COL6A3: variants seen among roughly 807,000 people sequenced by gnomAD.
The protein encoded by COL6A3 is collagen type VI alpha 3 chain, also known as collagen alpha-3(VI) chain.
Under a neutral mutation model 274.1 loss-of-function variants are expected in COL6A3, and 137 were observed. The ratio of observed to expected loss-of-function variants is 0.50; its 90% CI spans 0.44 to 0.58. The LOEUF (loss-of-function observed/expected upper bound fraction) is 0.58, where lower values mean the gene tolerates loss of function less well. COL6A3 is among the 20% of genes least tolerant of loss of function. The pLI is 0.00. For missense variants in COL6A3, 3,950 were observed against 4,124.9 expected (o/e 0.96, Z 1.16); for synonymous variants, 1,650 against 1,650.6 (o/e 1.00, Z 0.01).
intron 2 of COL6A3, among the ~76,000 whole-genome samples, chr2:237,395,694 G>T (rs2078421672): frequency 6.6e-6 from 1 of 152,188 alleles, no homozygotes; most frequent in African/African-American, 2.4e-5. Flanking sequence ...TGGGTAATTT[G>T]CGTGAAAAAT....
chr2:237,352,656 C>T, intron 25 of COL6A3, 72 bp from the exon 26 acceptor site: 1 of 1,409,168 alleles, frequency 7.1e-7, no homozygotes, highest in Non-Finnish European at 9.9e-7. Flanking sequence ...ATGGCATCTG[C>T]CCATCCCACA....
intron 40 of COL6A3, among the ~76,000 whole-genome samples, chr2:237,335,347 C>T (rs1700484273): frequency 6.6e-6 from 1 of 152,146 alleles, no homozygotes; most frequent in South Asian, 2.1e-4. Flanking sequence ...TCCTTTACAG[C>T]TTGTGACATT....
Position 237,371,665 on chromosome 2 carries a change from G to A in COL6A3, c.4285+67C>T. The A allele has an allele frequency of 6.6e-7, 1 of 1,523,692 alleles. No individual in the cohort carries two copies. 94.4% of individuals were successfully genotyped at this position (1,523,692 alleles called of 1,614,324 possible). A position where few individuals can be genotyped will look rare whatever the true frequency, so the allele number is the denominator to read the frequency against. On this transcript the variant is annotated intron_variant, in intron 9 of 43. Transcript: ENST00000295550. This position sits in a 1 kb window ranked among gnomAD's most constrained non-coding sequence, Gnocchi z 4.3. Reference sequence around the variant, plus strand: ...AATTTAATTTATTATGAGTACCATGGCCTTTGAGCCTGTTATTTTTCATAT... The same window carrying A: ...AATTTAATTTATTATGAGTACCATGACCTTTGAGCCTGTTATTTTTCATAT...
At position 237,361,583 on chromosome 2, in the gene COL6A3, G is replaced by A. The variant is rs2077438402; in HGVS notation, c.6156+156C>T. Among the ~76,000 whole-genome samples, 1 of 152,164 alleles carries A rather than the reference G, an allele frequency of 6.6e-6. No individual in the cohort carries two copies. The highest frequency in any genetic ancestry group is 6.5e-5 in the Admixed American group (1 of 15,276). Reference sequence around the variant, plus strand: ...ACAGGCCCCAGCAGAACAGCACGCAGGTCTGCCCCTCAGAGCTCCTCCTTC... The same window carrying A: ...ACAGGCCCCAGCAGAACAGCACGCAAGTCTGCCCCTCAGAGCTCCTCCTTC... On this transcript the variant is annotated intron_variant, in intron 15 of 43. Transcript: ENST00000295550. The surrounding 1 kb of genome is among the most constrained non-coding windows in gnomAD (Gnocchi z 5.1).
In COL6A3 at chr2:237,394,682, G is replaced by A. The variant is rs754196338; in HGVS notation, c.614C>T (p.Ser205Leu). 7 of 1,614,086 alleles carry A rather than the reference G, an allele frequency of 4.3e-6. No individual in the cohort carries two copies. Among genetic ancestry groups the A allele is most frequent in the Non-Finnish European group, 5.1e-6 (6 of 1,180,044 alleles). The change falls in exon 3 of 44, where the codon TCA becomes TTA. Residue 205 changes from serine (S) to leucine (L), a missense_variant. Transcript: ENST00000295550. ...TAAGTTTCCTACTATGTCATGAAGT[G>A]AGGTAAAATTCTCTAGGTTGAACAT... Reference protein sequence around the residue: ...MHMFNLENFTSLHDIVGNLVS... With the variant: ...MHMFNLENFTLLHDIVGNLVS...
chr2:237,412,737 G>T (rs913377349), intron 1 of COL6A3, among the ~76,000 whole-genome samples: 1 of 152,180 alleles, frequency 6.6e-6, no homozygotes, highest in African/African-American at 2.4e-5. Context: ...GGAGCTGGGG[G>T]ATCCCAGGTT....
rs992173031 is a variant in COL6A3 at position 237,336,521 on chromosome 2, T to C, written c.8579A>G (p.Asn2860Ser). 2 of 1,614,106 alleles carry C rather than the reference T, an allele frequency of 1.2e-6. No homozygotes were observed. The highest frequency in any genetic ancestry group is 1.7e-6 in the Non-Finnish European group (2 of 1,180,032). The change falls in exon 40 of 44, where the codon AAT becomes AGT. Residue 2860 changes from asparagine (N) to serine (S), a missense_variant. By Grantham distance (46) the Asn-to-Ser change is conservative. Coordinates refer to ENST00000295550, the MANE Select transcript of COL6A3 (RefSeq NM_004369.4). ...KFGHKQVNVP[N>S]NVTSSPTSNP... is the part of the protein sequence containing the mutation. ...GGATGTAGGACTTGAAGTAACGTTA[T>C]TCGGAACATTTCTGTTAAGACAAAT...
chr2:237,372,188 T>A lies in COL6A3; in HGVS notation c.3829A>T (p.Ser1277Cys). Reference protein sequence around the residue: ...DTTRVAVIQFSDDPKVEFLLN... With the variant: ...DTTRVAVIQFCDDPKVEFLLN... Reference sequence around the variant, plus strand: ...AGGAACTCCACCTTGGGGTCATCGCTGAACTGGATGACAGCCACCCGGGTG... The same window carrying A: ...AGGAACTCCACCTTGGGGTCATCGCAGAACTGGATGACAGCCACCCGGGTG... Residue 1277 changes from serine to cysteine, a missense_variant, in exon 9 of 44, where the codon AGC becomes TGC. Coordinates refer to ENST00000295550, the MANE Select transcript of COL6A3 (RefSeq NM_004369.4). 6.2e-7 allele frequency: 1 copy of A among 1,614,132 alleles called. No homozygotes were observed. Among genetic ancestry groups the A allele is most frequent in the East Asian group, 2.2e-5 (1 of 44,870 alleles).
chr2:237,348,579 A>G (rs2077142945), intron 29 of COL6A3, 34 bp downstream of exon 29: 1 of 1,606,626 alleles, frequency 6.2e-7, no homozygotes, highest in Non-Finnish European at 8.5e-7. Context: ...TCCTGGCAGC[A>G]AGGACGCTTG....
intron 1 of COL6A3, among the ~76,000 whole-genome samples, chr2:237,404,858 C>T (rs1244868543): frequency 6.6e-6 from 1 of 152,194 alleles, no homozygotes; most frequent in Non-Finnish European, 1.5e-5. Context: ...AGACATCACT[C>T]ACTTACTTCA....
chr2:237,368,616 G>A lies in COL6A3; in HGVS notation c.4847C>T (p.Ser1616Phe), dbSNP rs2077609392. ...EERIMNSFGP[S>F]AATPAPPGVD... ...CCCTGGAGGTGCAGGAGTGGCTGCG[G>A]AGGGTCCAAACGAGTTCATGATTCT... The change falls in exon 10 of 44, where the codon TCC becomes TTC. Residue 1616 changes from serine (S) to phenylalanine (F), a missense_variant. Ser to Phe is a radical substitution (Grantham distance 155, BLOSUM62 -2). Around this residue, in one of 5 missense-constraint regions of COL6A3, gnomAD observed 632 missense variants for 623.4 expected, o/e 1.01. Coordinates refer to ENST00000295550, the MANE Select transcript of COL6A3 (RefSeq NM_004369.4). This position sits in a 1 kb window ranked among gnomAD's most constrained non-coding sequence, Gnocchi z 4.4. The A allele has an allele frequency of 3.7e-6, 6 of 1,614,146 alleles. No individual in the cohort carries two copies. The highest frequency in any genetic ancestry group is 5.1e-6 in the Non-Finnish European group (6 of 1,180,028).
rs1373080723 is a variant in COL6A3, at chr2:237,347,847, A to G, written c.6989T>C (p.Leu2330Pro). The G allele has an allele frequency of 6.2e-7, 1 of 1,611,080 alleles. No homozygotes were observed. The highest frequency in any genetic ancestry group is 8.5e-7 in the Non-Finnish European group (1 of 1,178,630). ...GPKGNPGEPG[L>P]NGTTGPKGIR... The stretch of plus-strand genomic sequence containing the variant: ...GCCTTTGGGTCCTGTTGTTCCATTT[A>G]GCCCAGGTTCACCTGGGTTACCCTG... Residue 2330 changes from leucine to proline, a missense_variant, in exon 31 of 44, where the codon CTA becomes CCA. Physicochemically the swap from Leu to Pro is moderately conservative, Grantham distance 98. This residue lies in a region of COL6A3 where 1,284 missense variants were observed against 1,349.7 expected (regional missense o/e 0.95). Coordinates refer to ENST00000295550, the MANE Select transcript of COL6A3 (RefSeq NM_004369.4).
At chr2:237,386,393 A>C (rs548174498) in intron 4 of COL6A3, 1 of 152,202 alleles carries the variant, frequency 6.6e-6, no homozygotes, top group Non-Finnish European at 1.5e-5. Flanking sequence ...TCAAAGGAAA[A>C]CCTCCCTTGA....
At chr2:237,330,444 A>G (rs557956256) in intron 42 of COL6A3, among the ~76,000 whole-genome samples, 42 of 152,348 alleles carry the variant, frequency 2.8e-4, no homozygotes, top group African/African-American at 9.1e-4. Flanking sequence ...TTAGATGCCG[A>G]GCAAAGCAAA....
Position 237,344,462 on chromosome 2 carries a change from G to C in COL6A3, c.7556C>G (p.Pro2519Arg). The stretch of plus-strand genomic sequence containing the variant: ...TCTGAGCTGTGGGGATGCTCTTGTG[G>C]GTGTGTTGCTGAAGAAAACAGCCAC... ...RKVAVFFSNT[P>R]TRASPQLREA... The change falls in exon 36 of 44, where the codon CCC becomes CGC. Residue 2519 changes from proline to arginine, a missense_variant. Pro to Arg is a moderately radical substitution (Grantham distance 103, BLOSUM62 -2). Around this residue, in one of 5 missense-constraint regions of COL6A3, gnomAD observed 1,284 missense variants for 1,349.7 expected, o/e 0.95. Coordinates refer to ENST00000295550, the MANE Select transcript of COL6A3 (RefSeq NM_004369.4). This position sits in a 1 kb window ranked among gnomAD's most constrained non-coding sequence, Gnocchi z 4.8. 1 of 1,614,182 alleles carries C rather than the reference G, an allele frequency of 6.2e-7. No individual in the cohort carries two copies. The highest frequency in any genetic ancestry group is 2.2e-5 in the East Asian group (1 of 44,882).
rs1484071817 is a variant in COL6A3, at chr2:237,374,544, C to A, written c.3547G>T (p.Asp1183Tyr). ...TEMQTISFIP[D>Y]FAVAIPTFRQ... ...AAGGTGGGAATGGCCACGGCAAAGT[C>A]CGGGATGAAGGAGATGGTCTGCATC... Residue 1183 changes from aspartate (D) to tyrosine (Y), a missense_variant, in exon 8 of 44, where the codon GAC becomes TAC. Asp to Tyr is a radical substitution (Grantham distance 160). Around this residue, in one of 5 missense-constraint regions of COL6A3, gnomAD observed 1,934 missense variants for 1,984.3 expected, o/e 0.97. Coordinates refer to ENST00000295550, the MANE Select transcript of COL6A3 (RefSeq NM_004369.4). The surrounding 1 kb of genome is among the most constrained non-coding windows in gnomAD (Gnocchi z 4.8). The A allele has an allele frequency of 6.2e-7, 1 of 1,614,206 alleles. No individual in the cohort carries two copies. The highest frequency in any genetic ancestry group is 8.5e-7 in the Non-Finnish European group (1 of 1,180,044).
intron 17 of COL6A3, 84 bp downstream of exon 17, chr2:237,360,004 C>A (rs2077398941): frequency 2.2e-6 from 3 of 1,393,360 alleles, no homozygotes; most frequent in Non-Finnish European, 3.0e-6. Flanking sequence ...CCTGGACCAG[C>A]GCCTCCCTCC....
At chr2:237,337,009 T>C (rs180753574) in intron 39 of COL6A3, among the ~76,000 whole-genome samples, 17 of 152,272 alleles carry the variant, frequency 1.1e-4, no homozygotes, top group Admixed American at 7.2e-4. Context: ...GGCTTATTAC[T>C]GGGAGTATAT....
rs11287247 is a variant in COL6A3, at chr2:237,363,143, G to GC, written c.6063+109dup. 8.5e-3 allele frequency: 7,725 copies of GC among 909,538 alleles called. 15 individuals carry two copies. Among genetic ancestry groups the GC allele is most frequent in the South Asian group, 0.013 (928 of 70,176 alleles). The allele number at this position is 909,538 out of a possible 1,614,324, so 56.3% of individuals were successfully genotyped here. On this transcript the variant is annotated intron_variant, in intron 14 of 43. Coordinates refer to ENST00000295550, the MANE Select transcript of COL6A3 (RefSeq NM_004369.4). Reference sequence around the variant, plus strand: ...TAAATAAATTTAACTATCTACCAAGGCCCCCCCCCCACCTCCATTCACCTG... The same window carrying GC: ...TAAATAAATTTAACTATCTACCAAGGCCCCCCCCCCCACCTCCATTCACCTG...
Sources: allele counts gnomAD v4.1 joint callset (sites outside exome capture counted in the v4.1 genomes callset), GRCh38; gene constraint gnomAD v4.1.1; regional missense constraint gnomAD v4.1.1; non-coding constraint Gnocchi (gnomAD v3.1); transcripts MANE v1.5; gene names NCBI Gene and HGNC (gene_info 2026-07-23, HGNC 2026-07-21).